The following STXBP5L variants were observed in gnomAD, a reference collection of about 807,000 sequenced individuals.
STXBP5L encodes syntaxin binding protein 5L, also known as syntaxin-binding protein 5-like.
A neutral mutation model predicts 144.5 loss-of-function variants in STXBP5L; 65 were observed. That is an observed-to-expected ratio of 0.45 (90% CI 0.37 to 0.55). The LOEUF (loss-of-function observed/expected upper bound fraction) is 0.55. STXBP5L is among the 20% of genes least tolerant of loss of function. The probability of loss-of-function intolerance (pLI) is 0.00; values close to 1 mark genes in which losing one functional copy is unlikely to be tolerated. For synonymous variants in STXBP5L, 505 were observed against 469.6 expected (o/e 1.08, Z -0.97); for missense variants, 1,298 against 1,405.5 (o/e 0.92, Z 1.22).
chr3:120,944,490 A>G (rs1202605520), intron 2 of STXBP5L, among the ~76,000 whole-genome samples: 1 of 151,734 alleles, frequency 6.6e-6, no homozygotes, highest in Non-Finnish European at 1.5e-5. Context: ...TTTCTATTAT[A>G]TATATTTCCA....
chr3:120,963,684 T>C (rs796508517), intron 3 of STXBP5L, among the ~76,000 whole-genome samples: 11 of 152,318 alleles, frequency 7.2e-5, no homozygotes, highest in African/African-American at 2.6e-4. Context: ...CAGTATTTTA[T>C]TGAGGATTTT....
At chr3:121,377,492 A>C (rs1314990807) in intron 20 of STXBP5L, among the ~76,000 whole-genome samples, 2 of 152,240 alleles carry the variant, frequency 1.3e-5, no homozygotes, top group Non-Finnish European at 2.9e-5. Flanking sequence ...ATTTACAAGA[A>C]TAAAACAGCC....
intron 18 of STXBP5L, among the ~76,000 whole-genome samples, chr3:121,265,164 A>G (rs1056407565): frequency 6.6e-6 from 1 of 152,210 alleles, no homozygotes; most frequent in Non-Finnish European, 1.5e-5. Context: ...ACATCAATGA[A>G]TATACATTCT....
intron 15 of STXBP5L, among the ~76,000 whole-genome samples, chr3:121,250,999 A>G (rs1299002767): frequency 2.6e-5 from 4 of 152,188 alleles, no homozygotes; most frequent in Admixed American, 2.6e-4. Context: ...TCAGCAACCC[A>G]TTATATCTAC....
chr3:121,239,019 A>G lies in STXBP5L; in HGVS notation c.1233A>G (p.Pro411=). Residue 411 remains proline, a synonymous_variant, in exon 13 of 27, where the codon CCA becomes CCG. Transcript: ENST00000471454. The stretch of plus-strand genomic sequence containing the variant: ...ATCCCATGGACATTCATGAATCACC[A>G]GTTACATGCACAGCATACTTTGCAG... ...NPYPMDIHES[P]VTCTAYFADC... The G allele has an allele frequency of 1.2e-6, 2 of 1,609,628 alleles. No homozygotes were observed. The highest frequency in any genetic ancestry group is 1.7e-6 in the Non-Finnish European group (2 of 1,178,028).
intron 3 of STXBP5L, among the ~76,000 whole-genome samples, chr3:120,989,836 C>T (rs987223772): frequency 6.6e-6 from 1 of 152,084 alleles, no homozygotes; most frequent in Non-Finnish European, 1.5e-5. Context: ...TATCCATATA[C>T]CCACAGCCAA....
intron 23 of STXBP5L, among the ~76,000 whole-genome samples, chr3:121,410,900 T>C (rs2047100903): frequency 6.6e-6 from 1 of 152,106 alleles, no homozygotes; most frequent in Non-Finnish European, 1.5e-5. Flanking sequence ...ACCTCTTTAA[T>C]TTTCTTTTCT....
chr3:121,009,732 A>T (rs1267185261), intron 3 of STXBP5L, among the ~76,000 whole-genome samples: 2 of 151,756 alleles, frequency 1.3e-5, no homozygotes, highest in African/African-American at 2.4e-5. Context: ...TGAATGTACC[A>T]CTTCTATCAT....
At chr3:121,020,835 A>G (rs770962982) in intron 3 of STXBP5L, among the ~76,000 whole-genome samples, 4 of 136,772 alleles carry the variant, frequency 2.9e-5, no homozygotes, top group Non-Finnish European at 4.7e-5. Context: ...CACAGTACCT[A>G]TAAAACAATA....
intron 20 of STXBP5L, among the ~76,000 whole-genome samples, chr3:121,328,979 A>G (rs957391879): frequency 6.6e-6 from 1 of 152,050 alleles, no homozygotes; most frequent in Non-Finnish European, 1.5e-5. Flanking sequence ...AGAACTAATC[A>G]TAATCACCTT....
Position 121,062,764 on chromosome 3 carries a change from A to G in STXBP5L, c.470+17229A>G, listed in dbSNP as rs530405800. On this transcript the variant is annotated intron_variant, in intron 5 of 26. Coordinates refer to ENST00000471454, the MANE Select transcript of STXBP5L (RefSeq NM_001308330.2). ...GCTGTATTTCATTAAGTTGCTCTTC[A>G]TTCTTGACATTCTTTCTTCCGCCTG... Among the ~76,000 whole-genome samples the G allele has an allele frequency of 7.2e-5, 11 of 152,110 alleles. 1 individual carries two copies. The South Asian group carries it at 1.9e-3, about 26-fold the overall frequency.
chr3:121,362,970 G>A (rs751455730), intron 20 of STXBP5L, among the ~76,000 whole-genome samples: 1 of 152,060 alleles, frequency 6.6e-6, no homozygotes, highest in Non-Finnish European at 1.5e-5. Flanking sequence ...GCCAGAACTG[G>A]GTTCTTTCCT....
chr3:121,399,186 G>T (rs1404088608), intron 22 of STXBP5L, among the ~76,000 whole-genome samples: 1 of 151,802 alleles, frequency 6.6e-6, no homozygotes, highest in Non-Finnish European at 1.5e-5. Flanking sequence ...AAGTTCCAAG[G>T]TGGAATGAAC....
chr3:121,045,614 C>CT (rs1947465547), intron 5 of STXBP5L, 79 bp downstream of exon 5: 1 of 1,219,156 alleles, frequency 8.2e-7, no homozygotes, highest in African/African-American at 1.5e-5. Context: ...ACTTGACAGG[C>CT]TTTTTTCCTC....
At chr3:120,990,369 A>G (rs1043899318) in intron 3 of STXBP5L, among the ~76,000 whole-genome samples, 1 of 152,216 alleles carries the variant, frequency 6.6e-6, no homozygotes, top group Non-Finnish European at 1.5e-5. Flanking sequence ...TATCGTGAAA[A>G]TGGCCATACT....
Position 121,407,441 on chromosome 3 carries a change from G to C in STXBP5L, c.2786G>C (p.Cys929Ser). ...GGAGATCATCAGTATACAATAATCTGCTCAGAAAAACAAGCCAAAGTCTTC... is the reference window on the plus strand; with the variant it reads ...GGAGATCATCAGTATACAATAATCTCCTCAGAAAAACAAGCCAAAGTCTTC... ...EIGDHQYTII[C>S]SEKQAKVFSL... is the part of the protein sequence containing the mutation. The change falls in exon 23 of 27, where the codon TGC (cysteine) becomes TCC (serine). Residue 929 changes from cysteine to serine, a missense_variant. Cys to Ser is a moderately radical substitution (Grantham distance 112). Transcript: ENST00000471454. 3 of 1,613,292 alleles carry C rather than the reference G, an allele frequency of 1.9e-6. No homozygotes were observed. Among genetic ancestry groups the C allele is most frequent in the Non-Finnish European group, 2.5e-6 (3 of 1,179,478 alleles).
At chr3:121,303,698 A>G (rs1039440207) in intron 19 of STXBP5L, among the ~76,000 whole-genome samples, 4 of 152,220 alleles carry the variant, frequency 2.6e-5, no homozygotes, top group Admixed American at 2.6e-4. Context: ...CTATGCAGCC[A>G]TAAAAATGGA....
chr3:121,002,510 T>C (rs776063491), intron 3 of STXBP5L, among the ~76,000 whole-genome samples: 3 of 152,226 alleles, frequency 2.0e-5, no homozygotes, highest in South Asian at 2.1e-4. Flanking sequence ...ATTTTGTTGA[T>C]GATTTTATTT....
intron 13 of STXBP5L, 28 bp downstream of exon 13, chr3:121,239,146 T>C: frequency 7.4e-7 from 1 of 1,357,666 alleles, no homozygotes; most frequent in Non-Finnish European, 1.0e-6. Flanking sequence ...AAATAACTTT[T>C]TTTGTATTCA....
Sources: gnomAD v4.1 joint callset for allele counts (sites outside exome capture counted in the v4.1 genomes callset) on GRCh38, gnomAD v4.1.1 for gene constraint, MANE v1.5 for transcripts, NCBI Gene and HGNC (gene_info 2026-07-23, HGNC 2026-07-21) for gene names.